ERCC6L2: variants seen among roughly 807,000 people sequenced by gnomAD.
ERCC6L2 encodes DNA excision repair protein ERCC-6-like 2.
Under a neutral mutation model 132.0 loss-of-function variants are expected in ERCC6L2, and 77 were observed. The ratio of observed to expected loss-of-function variants is 0.58; its 90% CI spans 0.49 to 0.71. The LOEUF (loss-of-function observed/expected upper bound fraction) is 0.71. ERCC6L2 is among the 30% of genes least tolerant of loss of function. The pLI, the probability that ERCC6L2 is intolerant of heterozygous loss-of-function variation, is 0.00. For missense variants in ERCC6L2, 1,542 were observed against 1,837.6 expected (o/e 0.84, Z 2.94); for synonymous variants, 583 against 632.4 (o/e 0.92, Z 1.17).
intron 2 of ERCC6L2, among the ~76,000 whole-genome samples, chr9:95,897,505 T>C (rs184837016): frequency 1.3e-5 from 2 of 152,314 alleles, no homozygotes; most frequent in African/African-American, 4.8e-5. Context: ...GAAACAAGAA[T>C]GTATACAGTT....
intron 2 of ERCC6L2, among the ~76,000 whole-genome samples, chr9:95,895,548 T>C (rs1828406501): frequency 6.6e-6 from 1 of 152,136 alleles, no homozygotes; most frequent in Non-Finnish European, 1.5e-5. Flanking sequence ...TCCCCTTTTA[T>C]TAGGTACACA....
At chr9:95,945,576 A>G (rs536104422) in intron 12 of ERCC6L2, among the ~76,000 whole-genome samples, 3 of 152,344 alleles carry the variant, frequency 2.0e-5, no homozygotes, top group African/African-American at 7.2e-5. Flanking sequence ...TTCACAATTT[A>G]TGTTCAGAGA....
intron 15 of ERCC6L2, chr9:95,971,619 C>T (rs1035106464): frequency 6.6e-5 from 11 of 167,606 alleles, no homozygotes; most frequent in African/African-American, 9.6e-5. Flanking sequence ...TTTTCACTTT[C>T]GAGGCCAGAA....
intron 19 of ERCC6L2, among the ~76,000 whole-genome samples, chr9:96,033,639 C>G (rs998086408): frequency 2.6e-5 from 4 of 152,192 alleles, no homozygotes; most frequent in Non-Finnish European, 5.9e-5. Context: ...GTCATTACCC[C>G]CAGGAGGCTG....
At chr9:96,020,713 A>C (rs1342305496), downstream of ERCC6L2, 6 of 450,542 alleles carry the variant, frequency 1.3e-5, no homozygotes, top group Non-Finnish European at 2.7e-5. Context: ...TCAAAAGGAG[A>C]AACATGCTTT....
At chr9:96,008,632 CACAT>C (rs1833935776) in intron 18 of ERCC6L2, among the ~76,000 whole-genome samples, 1 of 152,188 alleles carries the variant, frequency 6.6e-6, no homozygotes, top group South Asian at 2.1e-4. Context: ...AATGAAACTT[CACAT>C]TATAACATAT....
rs61748989 is a variant in ERCC6L2 at position 95,907,082 on chromosome 9, T to C, written c.599T>C (p.Phe200Ser). 68 of 1,596,450 alleles carry C rather than the reference T, an allele frequency of 4.3e-5. No homozygotes were observed. The African/African-American group carries it at 8.7e-4, about 20-fold the overall frequency. Residue 200 changes from phenylalanine to serine, a missense_variant, in exon 4 of 19, where the codon TTC becomes TCC. This residue lies in a region of ERCC6L2 where 945 missense variants were observed against 1,105.2 expected (regional missense o/e 0.86). Coordinates refer to ENST00000653738, the MANE Select transcript of ERCC6L2 (RefSeq NM_020207.7). ...ATTTTTTTATTCTTGTTTTAGATGT[T>C]CTTAATAGTTGCTCCTCTTTCTGTC... ...EPLSSTAKKM[F>S]LIVAPLSVLY...
At chr9:95,943,543 GACACT>G (rs1158085816) in intron 12 of ERCC6L2, among the ~76,000 whole-genome samples, 1 of 151,938 alleles carries the variant, frequency 6.6e-6, no homozygotes, top group African/African-American at 2.4e-5. Flanking sequence ...TGGATCAAAG[GACACT>G]ATCAACAGAG....
At chr9:95,931,465 C>T (rs1830335041) in intron 11 of ERCC6L2, among the ~76,000 whole-genome samples, 1 of 152,020 alleles carries the variant, frequency 6.6e-6, no homozygotes, top group Non-Finnish European at 1.5e-5. Flanking sequence ...CTTGACTTGC[C>T]CCTTTGTTTT....
At chr9:95,955,181 C>T (rs1380591617) in intron 12 of ERCC6L2, among the ~76,000 whole-genome samples, 1 of 152,130 alleles carries the variant, frequency 6.6e-6, no homozygotes, top group Non-Finnish European at 1.5e-5. Flanking sequence ...GCACTATGGT[C>T]TGTATGGAAA....
intron 19 of ERCC6L2, among the ~76,000 whole-genome samples, chr9:96,033,000 C>G (rs1834479697): frequency 6.6e-6 from 1 of 152,176 alleles, no homozygotes; most frequent in East Asian, 1.9e-4. Flanking sequence ...GATTTAGCAG[C>G]CTGTACCAGT....
chr9:95,883,408 G>A (rs931336453), intron 2 of ERCC6L2, among the ~76,000 whole-genome samples: 8 of 152,118 alleles, frequency 5.3e-5, no homozygotes, highest in Non-Finnish European at 7.4e-5. Flanking sequence ...TTTCAGTAAC[G>A]CCATCTGTGA....
intron 17 of ERCC6L2, among the ~76,000 whole-genome samples, chr9:95,987,710 GAGT>G (rs1157176865): frequency 6.6e-6 from 1 of 152,190 alleles, no homozygotes; most frequent in East Asian, 1.9e-4. Context: ...ATGGGGCCTG[GAGT>G]ATGGTGGCCC....
chr9:95,996,152 CACAA>C (rs752518294), intron 17 of ERCC6L2, among the ~76,000 whole-genome samples: 41 of 152,204 alleles, frequency 2.7e-4, no homozygotes, highest in Non-Finnish European at 5.4e-4. Context: ...TCAGTGAACA[CACAA>C]ACAATAAGAA....
chr9:95,896,141 T>C (rs1828447031), intron 2 of ERCC6L2, among the ~76,000 whole-genome samples: 1 of 152,210 alleles, frequency 6.6e-6, no homozygotes, highest in South Asian at 2.1e-4. Context: ...TCACCGATCT[T>C]CTAACTAGAG....
chr9:95,904,423 T>C (rs1038830535), intron 3 of ERCC6L2, among the ~76,000 whole-genome samples: 3 of 152,118 alleles, frequency 2.0e-5, no homozygotes, highest in Non-Finnish European at 4.4e-5. Flanking sequence ...GTAAATAAAG[T>C]TACACATCTC....
chr9:95,900,526 A>C (rs1045246928), intron 3 of ERCC6L2, among the ~76,000 whole-genome samples: 5 of 152,226 alleles, frequency 3.3e-5, no homozygotes, highest in African/African-American at 9.6e-5. Flanking sequence ...TTGAAAGAGA[A>C]ATTAAAAAAT....
intron 19 of ERCC6L2, among the ~76,000 whole-genome samples, chr9:96,032,465 T>A (rs941304220): frequency 6.6e-6 from 1 of 152,196 alleles, no homozygotes; most frequent in Non-Finnish European, 1.5e-5. Flanking sequence ...TGGAGGGCCA[T>A]AGCTGGCTCT....
chr9:95,892,478 CGTG>C (rs1828224294), intron 2 of ERCC6L2, among the ~76,000 whole-genome samples: 1 of 143,518 alleles, frequency 7.0e-6, no homozygotes, highest in Non-Finnish European at 1.5e-5. Flanking sequence ...CAGGCTGGAG[CGTG>C]GTGGTGATCT....
Sources: allele counts gnomAD v4.1 joint callset (sites outside exome capture counted in the v4.1 genomes callset), GRCh38; gene constraint gnomAD v4.1.1; regional missense constraint gnomAD v4.1.1; transcripts MANE v1.5; gene names NCBI Gene and HGNC (gene_info 2026-07-23, HGNC 2026-07-21).